WWOX: variants seen among roughly 807,000 people sequenced by gnomAD.
WWOX encodes WW domain containing oxidoreductase, also known as WW domain-containing oxidoreductase.
A neutral mutation model predicts 46.2 loss-of-function variants in WWOX; 69 were observed. The observed-to-expected ratio is 1.49, with a 90% confidence interval of 1.23 to 1.82. WWOX has a LOEUF of 1.82. WWOX is among the 40% of genes most tolerant of loss of function. WWOX has a pLI of 0.00. For synonymous variants in WWOX, 359 were observed against 202.6 expected (o/e 1.77, Z -6.56); for missense variants, 919 against 542.6 (o/e 1.69, Z -6.89).
chr16:78,929,306 A>G (rs58504900), intron 8 of WWOX, among the ~76,000 whole-genome samples: 8,836 of 151,866 alleles, frequency 0.058, 795 homozygotes, highest in African/African-American at 0.19. Context: ...TAAGAGCCTC[A>G]AGTGTCCAAT....
intron 5 of WWOX, among the ~76,000 whole-genome samples, chr16:78,314,613 C>T (rs1471922295): frequency 2.7e-5 from 4 of 148,586 alleles, no homozygotes; most frequent in Non-Finnish European, 5.9e-5. Context: ...CAACCTCTAC[C>T]TCCTGGGTTC....
chr16:78,575,041 AT>A (rs1567655084), intron 8 of WWOX, among the ~76,000 whole-genome samples: 16 of 4,078 alleles, frequency 3.9e-3, no homozygotes, highest in South Asian at 8.3e-3. Flanking sequence ...ATATATATAT[AT>A]ATATATATAT....
At chr16:78,433,887 T>A (rs1254403795) in intron 8 of WWOX, among the ~76,000 whole-genome samples, 1 of 147,982 alleles carries the variant, frequency 6.8e-6, no homozygotes, top group Non-Finnish European at 1.5e-5. Context: ...CCTCCCGGGT[T>A]CACGCCATTC....
At chr16:78,845,647 C>G (rs978556841) in intron 8 of WWOX, among the ~76,000 whole-genome samples, 1 of 152,202 alleles carries the variant, frequency 6.6e-6, no homozygotes, top group African/African-American at 2.4e-5. Context: ...CAAAAAATAA[C>G]TCCAAGCTAT....
At chr16:78,234,975 T>C (rs2037388896) in intron 5 of WWOX, among the ~76,000 whole-genome samples, 1 of 151,910 alleles carries the variant, frequency 6.6e-6, no homozygotes, top group Admixed American at 6.6e-5. Flanking sequence ...TTCTGGGTGG[T>C]CTTGAAAACT....
At chr16:78,946,693 C>A (rs560459435) in intron 8 of WWOX, among the ~76,000 whole-genome samples, 2 of 152,188 alleles carry the variant, frequency 1.3e-5, no homozygotes, top group African/African-American at 4.8e-5. Flanking sequence ...GCCTGGAAAA[C>A]TGTGTGGTGC....
At chr16:78,892,258 G>A (rs2044606713) in intron 8 of WWOX, 1 of 152,112 alleles carries the variant, frequency 6.6e-6, no homozygotes, top group East Asian at 1.9e-4. Context: ...TTAATCTCAA[G>A]AGGCAAGAGG....
At chr16:78,951,099 A>G (rs1445834118) in intron 8 of WWOX, among the ~76,000 whole-genome samples, 4 of 152,216 alleles carry the variant, frequency 2.6e-5, no homozygotes, top group Admixed American at 6.5e-5. Flanking sequence ...CATTGCCAGT[A>G]ACAAACACAG....
chr16:78,545,994 C>G (rs1049861549), intron 8 of WWOX, among the ~76,000 whole-genome samples: 1 of 152,100 alleles, frequency 6.6e-6, no homozygotes, highest in Non-Finnish European at 1.5e-5. Context: ...GTTAGAACTT[C>G]AGGATATAAA....
chr16:79,011,059 A>G (rs1311916024), intron 8 of WWOX, among the ~76,000 whole-genome samples: 2 of 151,956 alleles, frequency 1.3e-5, no homozygotes, highest in African/African-American at 2.4e-5. Context: ...TAAATATATG[A>G]TAAGTATACC....
chr16:79,001,308 C>A (rs1285793052), intron 8 of WWOX, among the ~76,000 whole-genome samples: 1 of 152,008 alleles, frequency 6.6e-6, no homozygotes, highest in Non-Finnish European at 1.5e-5. Context: ...CAGCTGCTCT[C>A]CCTCCCCCTA....
chr16:78,796,419 A>C (rs907884107), intron 8 of WWOX, among the ~76,000 whole-genome samples: 13 of 152,318 alleles, frequency 8.5e-5, no homozygotes, highest in African/African-American at 3.1e-4. Context: ...GGTCACTTCC[A>C]CCTGCTTCCC....
At chr16:78,594,012 C>T (rs752886982) in intron 8 of WWOX, among the ~76,000 whole-genome samples, 7 of 152,144 alleles carry the variant, frequency 4.6e-5, no homozygotes, top group African/African-American at 7.2e-5. Context: ...GTCTCAGTTT[C>T]GTCTCCTGTC....
At chr16:79,103,881 A>C (rs113422070) in intron 8 of WWOX, among the ~76,000 whole-genome samples, 8 of 152,232 alleles carry the variant, frequency 5.3e-5, no homozygotes, top group African/African-American at 1.7e-4. Context: ...CTGTAGGACA[A>C]ACCAGGTGGC....
At chr16:78,585,684 T>G (rs1258090583) in intron 8 of WWOX, among the ~76,000 whole-genome samples, 1 of 149,526 alleles carries the variant, frequency 6.7e-6, no homozygotes, top group Non-Finnish European at 1.5e-5. Flanking sequence ...GGTTTTTTTT[T>G]TTGTTTTTTT....
chr16:78,852,982 C>T (rs149070220), intron 8 of WWOX, among the ~76,000 whole-genome samples: 78 of 152,124 alleles, frequency 5.1e-4, no homozygotes, highest in African/African-American at 1.8e-3. Context: ...TATATCTTGC[C>T]CCCACCCAGT....
intron 8 of WWOX, among the ~76,000 whole-genome samples, chr16:78,911,114 C>T (rs374644196): frequency 6.6e-6 from 1 of 152,032 alleles, no homozygotes; most frequent in Non-Finnish European, 1.5e-5. Flanking sequence ...CAGTTGCAGA[C>T]CTCAGACAGG....
chr16:78,293,400 C>T (rs953733506), intron 5 of WWOX, among the ~76,000 whole-genome samples: 1 of 152,202 alleles, frequency 6.6e-6, no homozygotes, highest in African/African-American at 2.4e-5. Flanking sequence ...ATGGTCCCTG[C>T]TCTTCTGTAT....
At chr16:78,776,391 G>A (rs2050191015) in intron 8 of WWOX, among the ~76,000 whole-genome samples, 1 of 152,112 alleles carries the variant, frequency 6.6e-6, no homozygotes, top group East Asian at 1.9e-4. Context: ...CTTACTGTGT[G>A]ACCTGGGTCA....
Sources: gnomAD v4.1 joint callset for allele counts (sites outside exome capture counted in the v4.1 genomes callset) on GRCh38, gnomAD v4.1.1 for gene constraint, MANE v1.5 for transcripts, NCBI Gene and HGNC (gene_info 2026-07-23, HGNC 2026-07-21) for gene names.